ANKRD31: variants seen among roughly 807,000 people sequenced by gnomAD.
The protein encoded by ANKRD31 is ankyrin repeat domain-containing protein 31.
Under a neutral mutation model 186.0 loss-of-function variants are expected in ANKRD31, and 147 were observed. The observed-to-expected ratio is 0.79, with a 90% CI of 0.69 to 0.91. The LOEUF (loss-of-function observed/expected upper bound fraction) is 0.91, where lower values mean the gene tolerates loss of function less well. Among genes scored for constraint, ANKRD31 ranks in the 40% least tolerant of loss-of-function variants. The pLI is 0.00. For synonymous variants in ANKRD31, 673 were observed against 736.4 expected (o/e 0.91, Z 1.39); for missense variants, 1,986 against 2,148.8 (o/e 0.92, Z 1.50).
At chr5:75,193,734 G>A (rs947387677) in intron 7 of ANKRD31, 143 bp from the exon 8 acceptor site, 4 of 690,288 alleles carry the variant, frequency 5.8e-6, no homozygotes, top group Non-Finnish European at 9.3e-6. Flanking sequence ...AGACATATGT[G>A]GACATAATGA....
At chr5:75,187,668 C>T (rs905740330) in intron 10 of ANKRD31, among the ~76,000 whole-genome samples, 2 of 152,032 alleles carry the variant, frequency 1.3e-5, no homozygotes, top group African/African-American at 4.8e-5. Context: ...AGGGCTATAA[C>T]CTGGGTATGA....
chr5:75,136,855 T>A (rs1750622203), intron 17 of ANKRD31, among the ~76,000 whole-genome samples: 1 of 152,200 alleles, frequency 6.6e-6, no homozygotes, highest in Admixed American at 6.5e-5. Context: ...TGAGTTCATG[T>A]CCTTTGCAGG....
rs536764454 is a variant in ANKRD31, at chr5:75,137,796, A to AT, written c.3876+59dup. The AT allele has an allele frequency of 8.0e-3, 10,465 of 1,305,136 alleles. 66 individuals are homozygous for AT. Among genetic ancestry groups the AT allele is most frequent in the Non-Finnish European group, 8.7e-3 (8,913 of 1,022,890 alleles). The allele number at this position is 1,305,136 out of a possible 1,614,324, so 80.8% of individuals were successfully genotyped here. On this transcript the variant is annotated intron_variant, in intron 17 of 25. Coordinates refer to ENST00000506364, the MANE Select transcript of ANKRD31 (RefSeq NM_001372053.1). ...TTAGTTCTCAGTTTAAAAAATCTTC[A>AT]TTTTCTTCATTCATTTCCTAAGAAA...
In ANKRD31 at chr5:75,080,633, G is replaced by A. The variant is rs907451574; in HGVS notation, c.5582C>T (p.Ala1861Val). 23 of 1,527,036 alleles carry A rather than the reference G, an allele frequency of 1.5e-5. No individual in the cohort carries two copies. Among genetic ancestry groups the A allele is most frequent in the Non-Finnish European group, 2.0e-5 (23 of 1,143,074 alleles). 94.6% of individuals were successfully genotyped at this position (1,527,036 alleles called of 1,614,324 possible). The stretch of plus-strand genomic sequence containing the variant: ...TTCCTGTACTGGGTCATCTAAACAA[G>A]CAACTTCTGAAAGTGAAACAAAACG... ...QQYQPCLPEVACLDDPVQEPN... is the reference protein window; with the variant it reads ...QQYQPCLPEVVCLDDPVQEPN... Residue 1861 changes from alanine to valine, a missense_variant, in exon 25 of 26, where the codon GCT (alanine) becomes GTT (valine). Coordinates refer to ENST00000506364, the MANE Select transcript of ANKRD31 (RefSeq NM_001372053.1).
chr5:75,200,362 G>A (rs1195021773), intron 5 of ANKRD31, among the ~76,000 whole-genome samples: 1 of 150,046 alleles, frequency 6.7e-6, no homozygotes, highest in African/African-American at 2.5e-5. Context: ...GCAGTGGCAC[G>A]ATCTTGGCTC....
intron 17 of ANKRD31, among the ~76,000 whole-genome samples, chr5:75,137,015 G>C (rs912815901): frequency 3.9e-5 from 6 of 152,086 alleles, no homozygotes; most frequent in Non-Finnish European, 8.8e-5. Flanking sequence ...GGCTGTCATG[G>C]GGTGGGGGTA....
At chr5:75,213,100 A>G (rs553182844) in intron 3 of ANKRD31, among the ~76,000 whole-genome samples, 13 of 152,304 alleles carry the variant, frequency 8.5e-5, no homozygotes, top group Middle Eastern at 3.4e-3. Flanking sequence ...CCAAAGTTAC[A>G]TTAGTTTCAC....
chr5:75,176,357 TC>T (rs1753798479), intron 10 of ANKRD31, among the ~76,000 whole-genome samples: 1 of 152,158 alleles, frequency 6.6e-6, no homozygotes, highest in Non-Finnish European at 1.5e-5. Flanking sequence ...GACTTAAATG[TC>T]CCTGTCTGAC....
chr5:75,092,541 A>C (rs551014385), intron 22 of ANKRD31, among the ~76,000 whole-genome samples: 7 of 152,294 alleles, frequency 4.6e-5, no homozygotes, highest in African/African-American at 1.7e-4. Context: ...GAGGCTCAAC[A>C]TTGGAAGTTT....
At chr5:75,176,879 T>A (rs532212446) in intron 10 of ANKRD31, among the ~76,000 whole-genome samples, 1 of 152,162 alleles carries the variant, frequency 6.6e-6, no homozygotes, top group East Asian at 1.9e-4. Flanking sequence ...CAAAGCTGGA[T>A]GGAGAATGAC....
chr5:75,108,282 T>C (rs1747493575), intron 20 of ANKRD31, among the ~76,000 whole-genome samples: 1 of 152,096 alleles, frequency 6.6e-6, no homozygotes, highest in Non-Finnish European at 1.5e-5. Flanking sequence ...TACATTGTAC[T>C]ATATGATACC....
intron 11 of ANKRD31, among the ~76,000 whole-genome samples, chr5:75,159,309 G>C (rs918696490): frequency 1.3e-5 from 2 of 152,026 alleles, no homozygotes; most frequent in African/African-American, 4.8e-5. Flanking sequence ...AAAAGCAGCA[G>C]AGAAAAATAT....
chr5:75,177,719 A>C (rs1022152233), intron 10 of ANKRD31, among the ~76,000 whole-genome samples: 3 of 152,182 alleles, frequency 2.0e-5, no homozygotes, highest in African/African-American at 7.2e-5. Context: ...GCCCTAAAAG[A>C]GCTCCTGAAG....
At chr5:75,206,595 G>A in intron 4 of ANKRD31, 108 bp from the exon 5 acceptor site, 1 of 479,148 alleles carries the variant, frequency 2.1e-6, no homozygotes. Context: ...TTTCCAAATA[G>A]GATAATTTTT....
intron 3 of ANKRD31, among the ~76,000 whole-genome samples, chr5:75,219,693 C>T (rs558693676): frequency 1.6e-4 from 25 of 152,174 alleles, no homozygotes; most frequent in Non-Finnish European, 3.2e-4. Context: ...CCAAGGCAAT[C>T]CTAAGCAAAA....
At chr5:75,116,921 G>C (rs981861031) in intron 18 of ANKRD31, among the ~76,000 whole-genome samples, 1 of 152,148 alleles carries the variant, frequency 6.6e-6, no homozygotes, top group Non-Finnish European at 1.5e-5. Flanking sequence ...ATATGAACCT[G>C]TGAAGTAGGT....
chr5:75,190,277 T>A lies in ANKRD31; in HGVS notation c.1409-1629A>T, dbSNP rs143657386. 3.5e-3 allele frequency among the ~76,000 whole-genome samples: 530 copies of A among 152,266 alleles called. 10 individuals are homozygous for A. Among genetic ancestry groups the A allele is most frequent in the Admixed American group, 0.029 (441 of 15,286 alleles). ...CTCAAGCGATCCACCCACTTCAGCCTCCCAAAGTACTGCGACTCTAGGCAT... is the reference window on the plus strand; with the variant it reads ...CTCAAGCGATCCACCCACTTCAGCCACCCAAAGTACTGCGACTCTAGGCAT... On this transcript the variant is annotated intron_variant, in intron 9 of 25. Transcript: ENST00000506364.
At chr5:75,172,387 A>G (rs1753399931) in intron 10 of ANKRD31, among the ~76,000 whole-genome samples, 1 of 151,600 alleles carries the variant, frequency 6.6e-6, no homozygotes, top group Non-Finnish European at 1.5e-5. Flanking sequence ...AACTCTGTAA[A>G]TTAAGAATAG....
intron 22 of ANKRD31, among the ~76,000 whole-genome samples, chr5:75,102,381 G>A (rs993211727): frequency 6.6e-6 from 1 of 152,312 alleles, no homozygotes. Context: ...CAGGGGTCAG[G>A]GACCCACTTG....
Sources: allele counts gnomAD v4.1 joint callset (sites outside exome capture counted in the v4.1 genomes callset), GRCh38; gene constraint gnomAD v4.1.1; transcripts MANE v1.5; gene names NCBI Gene and HGNC (gene_info 2026-07-23, HGNC 2026-07-21).